FRMPD4: variants seen among roughly 807,000 people sequenced by gnomAD.
The protein encoded by FRMPD4 is FERM and PDZ domain-containing protein 4.
FRMPD4 carries 22 observed loss-of-function variants against 94.1 expected under a neutral mutation model. The observed-to-expected ratio is 0.23, with a 90% CI of 0.17 to 0.33. FRMPD4 has a LOEUF of 0.33. FRMPD4 is among the 10% of genes least tolerant of loss of function. FRMPD4 has a pLI of 1.00. For synonymous variants in FRMPD4, 631 were observed against 548.6 expected (o/e 1.15, Z -2.10); for missense variants, 1,111 against 1,339.9 (o/e 0.83, Z 2.67).
At chrX:12,420,644 C>G (rs2056871306) in intron 1 of FRMPD4, among the ~76,000 whole-genome samples, 1 of 112,148 alleles carries the variant, frequency 8.9e-6, no homozygotes, top group African/African-American at 3.2e-5. Flanking sequence ...CCTTCTTACC[C>G]TGAACACAGG....
At chrX:12,371,301 C>T (rs1329746016) in intron 1 of FRMPD4, among the ~76,000 whole-genome samples, 1 of 112,630 alleles carries the variant, frequency 8.9e-6, no homozygotes, top group Non-Finnish European at 1.9e-5. Context: ...GTATGTATCT[C>T]CTGACCTGAC....
intron 4 of FRMPD4, among the ~76,000 whole-genome samples, chrX:12,663,549 C>G (rs1370145884): frequency 5.4e-5 from 6 of 111,925 alleles, no homozygotes; most frequent in Non-Finnish European, 9.4e-5. Flanking sequence ...TTCCATTGGT[C>G]TATATATCCG....
intron 1 of FRMPD4, among the ~76,000 whole-genome samples, chrX:12,267,133 C>T (rs190473384): frequency 5.4e-4 from 61 of 112,026 alleles, no homozygotes; most frequent in African/African-American, 1.9e-3. Context: ...GTATATCACT[C>T]TTGCATCATC....
chrX:12,510,907 T>A (rs1401497460), intron 2 of FRMPD4, among the ~76,000 whole-genome samples: 1 of 111,653 alleles, frequency 9.0e-6, no homozygotes, highest in Admixed American at 9.5e-5. Flanking sequence ...GTGGCCTTCT[T>A]TGGAAGCTGC....
intron 3 of FRMPD4, among the ~76,000 whole-genome samples, chrX:12,009,368 C>T (rs2054570303): frequency 8.9e-6 from 1 of 112,126 alleles, no homozygotes; most frequent in Admixed American, 9.5e-5. Context: ...TATGTCAAAA[C>T]AATGTAGCTA....
intron 1 of FRMPD4, among the ~76,000 whole-genome samples, chrX:12,392,739 T>C (rs1463309620): frequency 9.0e-6 from 1 of 111,182 alleles, no homozygotes; most frequent in Non-Finnish European, 1.9e-5. Context: ...GTCTGTGAAT[T>C]TTCAACTCAG....
At chrX:12,478,045 C>G (rs1334398964) in intron 1 of FRMPD4, among the ~76,000 whole-genome samples, 1 of 112,373 alleles carries the variant, frequency 8.9e-6, no homozygotes, top group East Asian at 2.8e-4. Flanking sequence ...TCTCCAGGCT[C>G]TCAGCTTCCA....
chrX:12,668,766 G>C (rs1046080778), intron 4 of FRMPD4, among the ~76,000 whole-genome samples: 5 of 109,461 alleles, frequency 4.6e-5, no homozygotes, highest in African/African-American at 1.7e-4. Context: ...CACCATGCCC[G>C]GCTAATTTTT....
At chrX:12,374,110 G>C (rs2056199811) in intron 1 of FRMPD4, among the ~76,000 whole-genome samples, 1 of 111,691 alleles carries the variant, frequency 9.0e-6, no homozygotes, top group African/African-American at 3.3e-5. Context: ...ATTTTCTGCA[G>C]GGAAATTATT....
chrX:12,476,384 C>T (rs1425657679), intron 1 of FRMPD4, among the ~76,000 whole-genome samples: 1 of 111,816 alleles, frequency 8.9e-6, no homozygotes, highest in African/African-American at 3.3e-5. Flanking sequence ...TAGGCAATAC[C>T]ATTTGGGACA....
chrX:12,382,029 AC>A, intron 1 of FRMPD4, among the ~76,000 whole-genome samples: 1 of 110,237 alleles, frequency 9.1e-6, no homozygotes. Context: ...AGCCCAAAAA[AC>A]CCCTACAGAC....
chrX:12,206,611 T>C (rs1357749362), intron 1 of FRMPD4, among the ~76,000 whole-genome samples: 1 of 111,952 alleles, frequency 8.9e-6, no homozygotes, highest in African/African-American at 3.2e-5. Context: ...CCACGCCTAG[T>C]CTTAGAGGTC....
intron 3 of FRMPD4, among the ~76,000 whole-genome samples, chrX:12,125,801 TCTC>T (rs1458677147): frequency 1.8e-5 from 2 of 112,112 alleles, no homozygotes; most frequent in Non-Finnish European, 3.8e-5. Flanking sequence ...AAAGCTCCCT[TCTC>T]CTACGTTGAA....
intron 1 of FRMPD4, among the ~76,000 whole-genome samples, chrX:12,438,250 T>G (rs940846092): frequency 2.7e-5 from 3 of 110,649 alleles, no homozygotes; most frequent in African/African-American, 9.8e-5. Context: ...CACAAAGGCT[T>G]TATGAAATTA....
chrX:12,272,900 C>A (rs961981851), intron 1 of FRMPD4, among the ~76,000 whole-genome samples: 1 of 110,317 alleles, frequency 9.1e-6, no homozygotes, highest in Non-Finnish European at 1.9e-5. Flanking sequence ...GAAACCCTGT[C>A]TCTACTAAAA....
chrX:12,274,607 A>C (rs1415139738), intron 1 of FRMPD4, among the ~76,000 whole-genome samples: 2 of 112,434 alleles, frequency 1.8e-5, no homozygotes, highest in Non-Finnish European at 3.8e-5. Context: ...GCAAGGAGGG[A>C]AAGGGGCCCA....
At chrX:12,358,263 G>T (rs2055925660) in intron 1 of FRMPD4, among the ~76,000 whole-genome samples, 1 of 110,633 alleles carries the variant, frequency 9.0e-6, no homozygotes. Context: ...TTTTGTCTCT[G>T]CCCCCACCCC....
intron 4 of FRMPD4, among the ~76,000 whole-genome samples, chrX:12,619,666 G>A (rs1414879561): frequency 3.6e-5 from 4 of 111,879 alleles, no homozygotes; most frequent in Non-Finnish European, 3.8e-5. Context: ...CAAGGGACCC[G>A]GGAAGAGTCA....
At chrX:12,568,130 C>T (rs2058730278) in intron 2 of FRMPD4, among the ~76,000 whole-genome samples, 1 of 110,841 alleles carries the variant, frequency 9.0e-6, no homozygotes, top group African/African-American at 3.3e-5. Flanking sequence ...GGCAAGAAAA[C>T]GCTAACAGTA....
Sources: gnomAD v4.1 joint callset for allele counts (sites outside exome capture counted in the v4.1 genomes callset) on GRCh38, gnomAD v4.1.1 for gene constraint, MANE v1.5 for transcripts, NCBI Gene and HGNC (gene_info 2026-07-23, HGNC 2026-07-21) for gene names.